ATE1: variants seen among roughly 807,000 people sequenced by gnomAD.
The protein encoded by ATE1 is arginyl-tRNA--protein transferase 1.
Under a neutral mutation model 70.5 loss-of-function variants are expected in ATE1, and 36 were observed. That is an observed-to-expected ratio of 0.51 (90% CI 0.39 to 0.67). The LOEUF (loss-of-function observed/expected upper bound fraction) is 0.67, where lower values mean the gene tolerates loss of function less well. ATE1 is among the 30% of genes least tolerant of loss of function. The pLI is 0.00. For synonymous variants in ATE1, 232 were observed against 219.3 expected (o/e 1.06, Z -0.51); for missense variants, 593 against 629.5 (o/e 0.94, Z 0.62).
chr10:121,766,456 G>C (rs1410179918), intron 11 of ATE1, among the ~76,000 whole-genome samples: 1 of 152,128 alleles, frequency 6.6e-6, no homozygotes, highest in Non-Finnish European at 1.5e-5. Flanking sequence ...TCTGAAAAGT[G>C]AGAGAAGACG....
intron 8 of ATE1, among the ~76,000 whole-genome samples, chr10:121,866,960 A>G (rs1949687307): frequency 6.6e-6 from 1 of 152,166 alleles, no homozygotes; most frequent in Non-Finnish European, 1.5e-5. Context: ...ATTACAAAGG[A>G]CAAAGCTCTC....
rs1040691424 is a variant in ATE1, at chr10:121,889,605, C to A, written c.942+10261G>T. Among the ~76,000 whole-genome samples the A allele has an allele frequency of 3.9e-5, 6 of 152,068 alleles. No individual in the cohort carries two copies. The South Asian group carries it at 1.0e-3, about 26-fold the overall frequency. On this transcript the variant is annotated intron_variant, in intron 7 of 11. Transcript: ENST00000224652. ...ATTGCTTGAGGCCAGGAGTTCAAGA[C>A]CAGCCTGAGCAATATAGCAAGACTC...
At chr10:121,750,746 T>C (rs191916417) in intron 11 of ATE1, among the ~76,000 whole-genome samples, 100 of 152,352 alleles carry the variant, frequency 6.6e-4, no homozygotes, top group African/African-American at 2.3e-3. Context: ...CATACAGCAT[T>C]ACTACATAAA....
chr10:121,805,226 C>A lies in ATE1; in HGVS notation c.1258-14937G>T, dbSNP rs752065934. ...AAAAATCTAGAATAAACCAAATGTA[C>A]TATGAGCATGAAATTTGAATAAAAT... On this transcript the variant is annotated intron_variant, in intron 10 of 11. Transcript: ENST00000224652. Among the ~76,000 whole-genome samples the A allele has an allele frequency of 6.6e-5, 10 of 152,148 alleles. 1 individual carries two copies. The highest frequency in any genetic ancestry group is 6.2e-4 in the South Asian group (3 of 4,830).
chr10:121,832,996 A>G (rs1948302739), intron 10 of ATE1, among the ~76,000 whole-genome samples: 1 of 152,192 alleles, frequency 6.6e-6, no homozygotes, highest in Non-Finnish European at 1.5e-5. Context: ...AGCTCAGGTA[A>G]TGATTTTATG....
intron 5 of ATE1, among the ~76,000 whole-genome samples, chr10:121,906,124 G>A (rs1425566773): frequency 2.6e-5 from 4 of 152,080 alleles, no homozygotes; most frequent in African/African-American, 9.7e-5. Flanking sequence ...TAGCCATGAT[G>A]GCTCATGTCT....
chr10:121,921,378 G>A (rs1438113927), intron 3 of ATE1, among the ~76,000 whole-genome samples: 3 of 150,802 alleles, frequency 2.0e-5, no homozygotes, highest in South Asian at 2.1e-4. Context: ...GTATTAGGCC[G>A]ACTTGTCCCA....
At chr10:121,770,734 TA>T (rs57921362) in intron 11 of ATE1, among the ~76,000 whole-genome samples, 97,039 of 140,812 alleles carry the variant, frequency 0.69, 33,323 homozygotes, top group Non-Finnish European at 0.76. Context: ...TTTCCTTAAC[TA>T]AAAAAAAAAA....
intron 11 of ATE1, among the ~76,000 whole-genome samples, chr10:121,747,844 G>C (rs1432965034): frequency 6.6e-6 from 1 of 152,180 alleles, no homozygotes; most frequent in African/African-American, 2.4e-5. Flanking sequence ...TCCCTTACCA[G>C]GGTAAATGAC....
At chr10:121,912,922 C>T (rs1951502184) in intron 4 of ATE1, among the ~76,000 whole-genome samples, 1 of 126,884 alleles carries the variant, frequency 7.9e-6, no homozygotes, top group African/African-American at 2.6e-5. Context: ...CTCTGTCACC[C>T]ACGCTGGAGT....
intron 7 of ATE1, among the ~76,000 whole-genome samples, chr10:121,889,139 G>A (rs945109538): frequency 1.3e-5 from 2 of 152,032 alleles, no homozygotes; most frequent in Admixed American, 6.6e-5. Context: ...TTAGCTTCCC[G>A]AGTAGCAATT....
At chr10:121,893,132 C>T (rs1253492096) in intron 7 of ATE1, among the ~76,000 whole-genome samples, 2 of 151,744 alleles carry the variant, frequency 1.3e-5, no homozygotes, top group East Asian at 3.9e-4. Flanking sequence ...AAAAAATTAG[C>T]CAGAAGTGGT....
intron 11 of ATE1, among the ~76,000 whole-genome samples, chr10:121,764,203 T>TAA (rs35119827): frequency 1.7e-4 from 25 of 146,804 alleles, no homozygotes; most frequent in Admixed American, 6.7e-4. Context: ...CTAAAGCTGT[T>TAA]AAAAAAAAAA....
chr10:121,901,058 G>A (rs1018295405), intron 6 of ATE1, among the ~76,000 whole-genome samples: 1 of 152,082 alleles, frequency 6.6e-6, no homozygotes. Flanking sequence ...CTGAGGTCAG[G>A]AGTTCGTGAC....
intron 9 of ATE1, among the ~76,000 whole-genome samples, chr10:121,840,620 A>G (rs1157260469): frequency 6.6e-6 from 1 of 152,158 alleles, no homozygotes; most frequent in African/African-American, 2.4e-5. Flanking sequence ...AACTAGATGG[A>G]TACCTTAAAA....
intron 8 of ATE1, among the ~76,000 whole-genome samples, chr10:121,848,865 C>T (rs951915333): frequency 4.6e-5 from 7 of 151,714 alleles, no homozygotes; most frequent in African/African-American, 1.7e-4. Context: ...GAACCAGGAT[C>T]ACGCCACTGC....
At chr10:121,849,164 T>C (rs796811566) in intron 8 of ATE1, among the ~76,000 whole-genome samples, 6 of 150,118 alleles carry the variant, frequency 4.0e-5, no homozygotes, top group African/African-American at 1.5e-4. Context: ...TGAGCCACGA[T>C]CACCCCATTG....
At chr10:121,922,210 G>T in intron 3 of ATE1, 139 bp downstream of exon 3, 2 of 634,716 alleles carry the variant, frequency 3.2e-6, no homozygotes, top group East Asian at 2.8e-5. Context: ...ATGAAGAAAA[G>T]ACATAACTCA....
intron 11 of ATE1, among the ~76,000 whole-genome samples, chr10:121,778,564 CTTTTTTTTTTTTTTTTTTT>C (rs71022864): frequency 5.2e-5 from 3 of 57,194 alleles, no homozygotes; most frequent in Middle Eastern, 0.014. Context: ...ATGTGGCCAG[CTTTTTTTTTTTTTTTTTTT>C]TTTTTTTTTT....
Sources: gnomAD v4.1 joint callset for allele counts (sites outside exome capture counted in the v4.1 genomes callset) on GRCh38, gnomAD v4.1.1 for gene constraint, MANE v1.5 for transcripts, NCBI Gene and HGNC (gene_info 2026-07-23, HGNC 2026-07-21) for gene names.